Variants in CACNA1A observed in about 807,000 individuals in gnomAD.
The protein encoded by CACNA1A is voltage-dependent P/Q-type calcium channel subunit alpha-1A.
A neutral mutation model predicts 262.4 loss-of-function variants in CACNA1A; 57 were observed. The ratio of observed to expected loss-of-function variants is 0.22; its 90% confidence interval spans 0.18 to 0.27. The LOEUF (loss-of-function observed/expected upper bound fraction) is 0.27, where lower values mean the gene tolerates loss of function less well. CACNA1A is among the 10% of genes least tolerant of loss of function. CACNA1A has a pLI of 1.00. For synonymous variants in CACNA1A, 1,431 were observed against 1,419.3 expected (o/e 1.01, Z -0.18); for missense variants, 2,526 against 3,562.8 (o/e 0.71, Z 7.41).
chr19:13,456,716 C>T (rs1247739281), intron 1 of CACNA1A, among the ~76,000 whole-genome samples: 1 of 151,990 alleles, frequency 6.6e-6, no homozygotes, highest in Non-Finnish European at 1.5e-5. Context: ...AACACAACAA[C>T]AAAAAGATAA....
intron 26 of CACNA1A, chr19:13,260,431 C>T (rs1425976243): frequency 6.6e-6 from 1 of 151,588 alleles, no homozygotes; most frequent in Non-Finnish European, 1.5e-5. Context: ...TCACTGCAAG[C>T]TCCGCCTCCC....
chr19:13,412,837 G>T (rs1315815062), intron 3 of CACNA1A, among the ~76,000 whole-genome samples: 1 of 152,268 alleles, frequency 6.6e-6, no homozygotes, highest in East Asian at 1.9e-4. Context: ...ACATTTGTTT[G>T]GTAGAAAGGG....
chr19:13,413,307 T>C (rs189206151), intron 3 of CACNA1A, among the ~76,000 whole-genome samples: 7,300 of 151,196 alleles, frequency 0.048, 219 homozygotes, highest in South Asian at 0.15. Flanking sequence ...GGGGTTTCAC[T>C]GTGTTAGCCA....
At position 13,280,940 on chromosome 19, in the gene CACNA1A, C is replaced by CAA. The variant is rs59445149; in HGVS notation, c.3822+2325_3822+2326dup. Among the ~76,000 whole-genome samples the CAA allele has an allele frequency of 2.0e-3, 164 of 82,104 alleles. 2 individuals carry two copies. Among genetic ancestry groups the CAA allele is most frequent in the South Asian group, 8.7e-3 (21 of 2,410 alleles). The allele number at this position is 82,104 out of a possible 152,430, so 53.9% of individuals were successfully genotyped here. ...TGGGTGACAGAGCAAGACTCCATCT[C>CAA]AAAAAAAAAAAAAAAAAAAAGAATG... is the stretch of plus-strand genomic sequence containing the variant. On this transcript the variant is annotated intron_variant, in intron 22 of 46. Transcript: ENST00000360228.
intron 3 of CACNA1A, among the ~76,000 whole-genome samples, chr19:13,438,070 G>C (rs1414408749): frequency 6.6e-6 from 1 of 152,178 alleles, no homozygotes; most frequent in Admixed American, 6.5e-5. Flanking sequence ...CCAGCTTGCT[G>C]TATGATGGGC....
chr19:13,380,645 C>CAAAA (rs370031243), intron 3 of CACNA1A, among the ~76,000 whole-genome samples: 3 of 55,202 alleles, frequency 5.4e-5, no homozygotes, highest in Non-Finnish European at 9.2e-5. Context: ...GACTCTGTCT[C>CAAAA]AAAAAAAAAA....
At position 13,286,523 on chromosome 19, in the gene CACNA1A, A is replaced by T. The variant is rs761259850; in HGVS notation, c.3533T>A (p.Leu1178His). The T allele has an allele frequency of 1.3e-5, 13 of 980,764 alleles. No individual in the cohort carries two copies. The highest frequency in any genetic ancestry group is 2.5e-5 in the Admixed American group (1 of 39,236). 60.8% of individuals were successfully genotyped at this position (980,764 alleles called of 1,614,324 possible). A position where few individuals can be genotyped will look rare whatever the true frequency, so the allele number is the denominator to read the frequency against. ...VDIPPACPPP[L>H]NHTVVQVNKN... ...CTCACCTTGTACGACGGTGTGGTTG[A>T]GGGGGGGTGGGCAGGCTGGGGGGAT... Residue 1178 changes from leucine to histidine, a missense_variant, in exon 20 of 47, where the codon CTC becomes CAC. Around this residue, in one of 17 missense-constraint regions of CACNA1A, gnomAD observed 765 missense variants for 748.6 expected, o/e 1.02. Transcript: ENST00000360228.
In CACNA1A at chr19:13,261,572, G is replaced by A. The variant is rs756822050; in HGVS notation, c.4128C>T (p.Val1376=). The change falls in exon 26 of 47, where the codon GTC becomes GTT. Residue 1376 remains valine (V), a synonymous_variant. Coordinates refer to ENST00000360228, the MANE Select transcript of CACNA1A (RefSeq NM_001127222.2). ...GCATGTAGACGATGAGGATGTTGAA[G>A]ACGTTTTTAAGTGAGTTCACCACAC... ...FDCVVNSLKN[V]FNILIVYMLF... is the part of the protein sequence containing the mutation. 6.2e-7 allele frequency: 1 copy of A among 1,609,540 alleles called. No individual in the cohort carries two copies. Among genetic ancestry groups the A allele is most frequent in the Admixed American group, 1.7e-5 (1 of 59,200 alleles).
intron 3 of CACNA1A, among the ~76,000 whole-genome samples, chr19:13,383,415 G>C (rs1164542535): frequency 6.6e-6 from 1 of 152,160 alleles, no homozygotes; most frequent in African/African-American, 2.4e-5. Flanking sequence ...CTGGGTTGTA[G>C]ACATGTTGAG....
chr19:13,255,615 G>A lies in CACNA1A; in HGVS notation c.4591-356C>T, dbSNP rs182098308. Among the ~76,000 whole-genome samples, 249 of 152,070 alleles carry A rather than the reference G, an allele frequency of 1.6e-3. 1 individual carries two copies. The highest frequency in any genetic ancestry group is 5.3e-3 in the African/African-American group (218 of 41,484). On this transcript the variant is annotated intron_variant, in intron 28 of 46. Transcript: ENST00000360228. ...ACTTGCCTGAGGTGACACAGCTACC[G>A]AGTGTGCCAAATCAAATTGAAGCCT...
At chr19:13,321,907 A>C (rs980974730) in intron 10 of CACNA1A, among the ~76,000 whole-genome samples, 2 of 152,166 alleles carry the variant, frequency 1.3e-5, no homozygotes, top group African/African-American at 2.4e-5. Flanking sequence ...TTTACAAAAA[A>C]ATAAAGTAAT....
chr19:13,392,981 C>A (rs2059736311), intron 3 of CACNA1A, among the ~76,000 whole-genome samples: 1 of 152,174 alleles, frequency 6.6e-6, no homozygotes, highest in African/African-American at 2.4e-5. Context: ...ATTGGCCAGG[C>A]TGGTCTCGAA....
intron 3 of CACNA1A, among the ~76,000 whole-genome samples, chr19:13,445,294 C>T (rs76755700): frequency 0.011 from 1,624 of 152,296 alleles, 26 homozygotes; most frequent in African/African-American, 0.036. Context: ...AAAAAGGAAC[C>T]TTCCGTTTCA....
chr19:13,294,622 G>A (rs2057624632), intron 19 of CACNA1A, among the ~76,000 whole-genome samples: 1 of 151,372 alleles, frequency 6.6e-6, no homozygotes, highest in Non-Finnish European at 1.5e-5. Context: ...TGAGTAGCTG[G>A]GATTATAGGC....
chr19:13,419,004 C>T (rs1294614766), intron 3 of CACNA1A, among the ~76,000 whole-genome samples: 1 of 152,166 alleles, frequency 6.6e-6, no homozygotes, highest in Non-Finnish European at 1.5e-5. Flanking sequence ...AGCGATTCTC[C>T]TGCCTCAGCC....
chr19:13,365,271 C>A, intron 5 of CACNA1A, 46 bp downstream of exon 5: 1 of 1,552,186 alleles, frequency 6.4e-7, no homozygotes, highest in Non-Finnish European at 8.8e-7. Context: ...AGAGCTTGTC[C>A]CTGAAGGAGA....
rs2057838865 is a variant in CACNA1A, at chr19:13,303,689, A to G, written c.2105-76T>C. On this transcript the variant is annotated intron_variant, in intron 16 of 46. Transcript: ENST00000360228. The stretch of plus-strand genomic sequence containing the variant: ...GCCCTGGGTATCTGGGTCTCTCAGT[A>G]CCCTCCCTTGAGCCCCTGCAACCTC... 1.5e-5 allele frequency: 24 copies of G among 1,558,030 alleles called. 2 individuals are homozygous for G. The highest frequency in any genetic ancestry group is 1.7e-5 in the Admixed American group (1 of 59,866).
At chr19:13,469,597 C>T (rs1343929207) in intron 1 of CACNA1A, among the ~76,000 whole-genome samples, 1 of 150,272 alleles carries the variant, frequency 6.7e-6, no homozygotes, top group Admixed American at 6.6e-5. Context: ...TACAGGCGCC[C>T]GCCACCACGC....
At chr19:13,403,169 C>T (rs1350406069) in intron 3 of CACNA1A, among the ~76,000 whole-genome samples, 1 of 151,696 alleles carries the variant, frequency 6.6e-6, no homozygotes, top group Non-Finnish European at 1.5e-5. Flanking sequence ...TTCTCACCCT[C>T]CCCCACCTCA....
Sources: gnomAD v4.1 joint callset for allele counts (sites outside exome capture counted in the v4.1 genomes callset) on GRCh38, gnomAD v4.1.1 for gene constraint, gnomAD v4.1.1 regional missense constraint, MANE v1.5 for transcripts, NCBI Gene and HGNC (gene_info 2026-07-23, HGNC 2026-07-21) for gene names.